BACH2: variants seen among roughly 807,000 people sequenced by gnomAD.
BACH2 encodes BACH transcriptional regulator 2.
Under a neutral mutation model 61.8 loss-of-function variants are expected in BACH2, and 5 were observed. The observed-to-expected ratio is 0.08, with a 90% CI of 0.04 to 0.17. The LOEUF (loss-of-function observed/expected upper bound fraction) is 0.17, where lower values mean the gene tolerates loss of function less well. Among genes scored for constraint, BACH2 ranks in the 10% least tolerant of loss-of-function variants. The pLI is 1.00. For synonymous variants in BACH2, 446 were observed against 440.1 expected (o/e 1.01, Z -0.17); for missense variants, 824 against 1,091.1 (o/e 0.76, Z 3.45).
intron 5 of BACH2, among the ~76,000 whole-genome samples, chr6:90,018,548 T>A (rs1208370044): frequency 2.0e-5 from 3 of 152,222 alleles, no homozygotes; most frequent in African/African-American, 7.2e-5. Context: ...AGGGTAAATC[T>A]AGAACCTATT....
intron 6 of BACH2, among the ~76,000 whole-genome samples, chr6:89,971,356 G>C (rs1775348542): frequency 6.6e-6 from 1 of 152,188 alleles, no homozygotes; most frequent in South Asian, 2.1e-4. Flanking sequence ...TTCAATATAA[G>C]ATACAAATCA....
intron 6 of BACH2, among the ~76,000 whole-genome samples, chr6:89,994,586 G>A (rs1001393577): frequency 2.6e-5 from 4 of 152,116 alleles, no homozygotes; most frequent in Non-Finnish European, 5.9e-5. Flanking sequence ...CGAGTTGGAC[G>A]GAAGGGACCA....
chr6:90,257,951 T>C (rs1205323046), intron 2 of BACH2, among the ~76,000 whole-genome samples: 2 of 152,154 alleles, frequency 1.3e-5, no homozygotes, highest in Non-Finnish European at 2.9e-5. Flanking sequence ...AATTTTTGTA[T>C]TTTTAGTAGA....
rs550473174 is a variant in BACH2, at chr6:90,062,251, A to G, written c.-13+26710T>C. ...TACATAAGGACTTGGGAGCTGAGTAATCTTTATTTGCCAAGTTCTCATGAG... is the reference window on the plus strand; with the variant it reads ...TACATAAGGACTTGGGAGCTGAGTAGTCTTTATTTGCCAAGTTCTCATGAG... On this transcript the variant is annotated intron_variant, in intron 5 of 8. Transcript: ENST00000257749. Among the ~76,000 whole-genome samples the G allele has an allele frequency of 2.0e-5, 3 of 152,284 alleles. No individual in the cohort carries two copies. The East Asian group carries it at 5.8e-4, about 29-fold the overall frequency.
chr6:90,147,013 T>C (rs1286155338), intron 4 of BACH2, among the ~76,000 whole-genome samples: 2 of 151,462 alleles, frequency 1.3e-5, no homozygotes, highest in African/African-American at 2.4e-5. Context: ...GCTACTTAAA[T>C]AAAAAAGAAA....
chr6:90,015,932 C>A (rs1778035933), intron 5 of BACH2, among the ~76,000 whole-genome samples: 1 of 152,154 alleles, frequency 6.6e-6, no homozygotes, highest in South Asian at 2.1e-4. Context: ...CTGCCTCATG[C>A]AGTTTGAAAT....
chr6:89,969,595 T>C (rs1219758765), intron 6 of BACH2, among the ~76,000 whole-genome samples: 2 of 152,172 alleles, frequency 1.3e-5, no homozygotes, highest in African/African-American at 2.4e-5. Flanking sequence ...ATTGTGACCC[T>C]GACCTTGGCA....
intron 8 of BACH2, among the ~76,000 whole-genome samples, chr6:89,935,350 A>G (rs1772955226): frequency 6.6e-6 from 1 of 152,186 alleles, no homozygotes; most frequent in Non-Finnish European, 1.5e-5. Flanking sequence ...GTGAGGGGCA[A>G]TACTGCTTGG....
At chr6:90,246,010 A>C (rs1770623594) in intron 3 of BACH2, among the ~76,000 whole-genome samples, 1 of 152,146 alleles carries the variant, frequency 6.6e-6, no homozygotes, top group Admixed American at 6.6e-5. Flanking sequence ...AGGGAGGAGG[A>C]GTGGGACGTG....
intron 5 of BACH2, among the ~76,000 whole-genome samples, chr6:90,033,390 A>G (rs1363093785): frequency 6.6e-6 from 1 of 151,814 alleles, no homozygotes; most frequent in Non-Finnish European, 1.5e-5. Context: ...ACCAGCAGGA[A>G]GGCCACAGAG....
At chr6:90,111,928 G>T (rs898127318) in intron 4 of BACH2, among the ~76,000 whole-genome samples, 5 of 152,224 alleles carry the variant, frequency 3.3e-5, no homozygotes, top group African/African-American at 7.2e-5. Context: ...GAGTGACAAT[G>T]GGTGGTAGGA....
chr6:90,187,823 A>G (rs1768413815), intron 4 of BACH2, among the ~76,000 whole-genome samples: 1 of 152,170 alleles, frequency 6.6e-6, no homozygotes. Context: ...AACTCTCACA[A>G]CCGATCTTTG....
chr6:90,273,742 C>T (rs1220782031), intron 1 of BACH2, among the ~76,000 whole-genome samples: 1 of 152,096 alleles, frequency 6.6e-6, no homozygotes, highest in Non-Finnish European at 1.5e-5. Context: ...TACTAGATGT[C>T]CCTAAATCAA....
chr6:90,073,486 C>T lies in BACH2; in HGVS notation c.-13+15475G>A, dbSNP rs534466429. Among the ~76,000 whole-genome samples, 7 of 152,296 alleles carry T rather than the reference C, an allele frequency of 4.6e-5. No individual in the cohort carries two copies. The East Asian group carries it at 1.3e-3, about 29-fold the overall frequency. ...CAATTAAGAGAATTCTGCAAGGATG[C>T]TGTACATATCCATCTGCAAATACTT... On this transcript the variant is annotated intron_variant, in intron 5 of 8. Transcript: ENST00000257749.
intron 3 of BACH2, among the ~76,000 whole-genome samples, chr6:90,239,798 T>TATAC (rs1395114769): frequency 1.5e-5 from 2 of 132,224 alleles, no homozygotes; most frequent in Admixed American, 7.7e-5. Context: ...GGGGGGGGAA[T>TATAC]ACACACACAC....
intron 3 of BACH2, among the ~76,000 whole-genome samples, chr6:90,213,655 T>C (rs993322581): frequency 6.6e-5 from 10 of 152,222 alleles, no homozygotes; most frequent in African/African-American, 2.4e-4. Flanking sequence ...GGAAATTCTT[T>C]ATATCTCTGG....
intron 5 of BACH2, among the ~76,000 whole-genome samples, chr6:90,055,109 C>G (rs1349475049): frequency 6.6e-6 from 1 of 152,176 alleles, no homozygotes; most frequent in Non-Finnish European, 1.5e-5. Flanking sequence ...AGCAATGGAA[C>G]AAAGCTGGAT....
chr6:89,967,157 C>T (rs1199755427), intron 6 of BACH2, among the ~76,000 whole-genome samples: 1 of 152,158 alleles, frequency 6.6e-6, no homozygotes, highest in Non-Finnish European at 1.5e-5. Context: ...GTCACAGGTG[C>T]TTCAGAATGG....
intron 4 of BACH2, among the ~76,000 whole-genome samples, chr6:90,193,218 T>C (rs1487260842): frequency 6.6e-6 from 1 of 152,208 alleles, no homozygotes; most frequent in African/African-American, 2.4e-5. Flanking sequence ...GGTGAAGTCC[T>C]AACCCCCAGT....
Sources: gnomAD v4.1 joint callset for allele counts (sites outside exome capture counted in the v4.1 genomes callset) on GRCh38, gnomAD v4.1.1 for gene constraint, MANE v1.5 for transcripts, NCBI Gene and HGNC (gene_info 2026-07-23, HGNC 2026-07-21) for gene names.